VWA3B: variants seen among roughly 807,000 people sequenced by gnomAD.
VWA3B encodes the protein von Willebrand factor A domain-containing protein 3B.
VWA3B carries 138 observed loss-of-function variants against 158.3 expected under a neutral mutation model. The ratio of observed to expected loss-of-function variants is 0.87; its 90% CI spans 0.76 to 1.00. VWA3B has a LOEUF of 1.00. Among genes scored for constraint, VWA3B ranks in the 50% least tolerant of loss-of-function variants. VWA3B has a pLI of 0.00. For synonymous variants in VWA3B, 596 were observed against 587.3 expected, an observed-to-expected ratio of 1.01 and a Z score of -0.21; for missense variants, 1,555 against 1,565.1, an observed-to-expected ratio of 0.99 and a Z score of 0.11.
intron 12 of VWA3B, chr2:98,206,538 C>A: frequency 2.0e-6 from 1 of 498,730 alleles, no homozygotes. Flanking sequence ...TCTGGTGCAC[C>A]AATCGAAAGT....
chr2:98,295,369 T>A (rs1239470702), intron 23 of VWA3B, among the ~76,000 whole-genome samples: 1 of 152,236 alleles, frequency 6.6e-6, no homozygotes, highest in Non-Finnish European at 1.5e-5. Flanking sequence ...CACTCATGCA[T>A]CTTTCACCAA....
intron 6 of VWA3B, 139 bp from the exon 7 acceptor site, chr2:98,133,685 C>G: frequency 2.9e-6 from 2 of 688,592 alleles, no homozygotes; most frequent in South Asian, 1.8e-5. Context: ...TGACAAGGTG[C>G]AGGAAGAAGC....
rs751153502 is a variant in VWA3B, at chr2:98,312,973, A to G, written c.*624A>G. The G allele has an allele frequency of 6.6e-6, 1 of 152,162 alleles. No individual in the cohort carries two copies. The highest frequency in any genetic ancestry group is 1.9e-4 in the East Asian group (1 of 5,194). 9.4% of individuals were successfully genotyped at this position (152,162 alleles called of 1,614,324 possible). ...TTGGATTGTTGGATTATTTGTTACC[A>G]TTTTTCTCTGAACACATTTTAGCAA... On this transcript the variant is annotated 3_prime_UTR_variant, in exon 28 of 28. Coordinates refer to ENST00000477737, the MANE Select transcript of VWA3B (RefSeq NM_144992.5).
In VWA3B at chr2:98,278,751, G is replaced by A. The variant is rs186787185; in HGVS notation, c.3045+7868G>A. ...CCTGGAGTTTTTATGGGTACAGGAT[G>A]GGGGGGTGGTGTGGGCCAGAGTGGT... On this transcript the variant is annotated intron_variant, in intron 22 of 27. Transcript: ENST00000477737. Among the ~76,000 whole-genome samples the A allele has an allele frequency of 2.0e-5, 3 of 151,702 alleles. No individual in the cohort carries two copies. In the East Asian group the frequency reaches 5.8e-4, roughly 29 times the overall value.
At chr2:98,158,961 C>A (rs993942037) in intron 7 of VWA3B, among the ~76,000 whole-genome samples, 1 of 152,144 alleles carries the variant, frequency 6.6e-6, no homozygotes, top group Non-Finnish European at 1.5e-5. Flanking sequence ...AGATGCTCAA[C>A]ACATACTTGC....
chr2:98,232,972 G>A (rs894353517), intron 16 of VWA3B, among the ~76,000 whole-genome samples: 4 of 152,262 alleles, frequency 2.6e-5, no homozygotes, highest in South Asian at 2.1e-4. Context: ...ACCAAGAGGC[G>A]TCCCGGAAAG....
intron 21 of VWA3B, among the ~76,000 whole-genome samples, chr2:98,266,946 G>A (rs1336939580): frequency 6.7e-6 from 1 of 148,848 alleles, no homozygotes; most frequent in Non-Finnish European, 1.5e-5. Flanking sequence ...GAGATTTTGG[G>A]CTGAGACAAT....
At chr2:98,281,707 A>G (rs1377227471) in intron 22 of VWA3B, among the ~76,000 whole-genome samples, 2 of 152,178 alleles carry the variant, frequency 1.3e-5, no homozygotes, top group African/African-American at 4.8e-5. Flanking sequence ...AAAGAGGGTC[A>G]CACCATTTGG....
At chr2:98,163,648 A>G (rs938406271) in intron 8 of VWA3B, among the ~76,000 whole-genome samples, 7 of 152,260 alleles carry the variant, frequency 4.6e-5, no homozygotes, top group Admixed American at 3.9e-4. Context: ...TCTGAGTACA[A>G]CATGGACAAG....
At chr2:98,211,491 T>C (rs903086843) in intron 12 of VWA3B, among the ~76,000 whole-genome samples, 1 of 152,216 alleles carries the variant, frequency 6.6e-6, no homozygotes, top group Non-Finnish European at 1.5e-5. Flanking sequence ...CACATGTACA[T>C]TGTTAGATTG....
intron 8 of VWA3B, 134 bp from the exon 9 acceptor site, chr2:98,180,882 A>C (rs1680513609): frequency 1.1e-6 from 1 of 910,066 alleles, no homozygotes; most frequent in Admixed American, 2.9e-5. Context: ...CCTGCTTTGG[A>C]AAGCTGTTTT....
chr2:98,130,186 G>A (rs1004758746), intron 6 of VWA3B, among the ~76,000 whole-genome samples: 2 of 152,196 alleles, frequency 1.3e-5, no homozygotes, highest in African/African-American at 2.4e-5. Context: ...CTTTTGATGT[G>A]CATATACATA....
chr2:98,129,377 A>C (rs1190445921), intron 6 of VWA3B, among the ~76,000 whole-genome samples: 1 of 151,830 alleles, frequency 6.6e-6, no homozygotes, highest in Non-Finnish European at 1.5e-5. Flanking sequence ...AGAGACAGAG[A>C]GTGAGGGCGC....
intron 12 of VWA3B, chr2:98,206,586 T>C (rs1031943926): frequency 8.5e-6 from 4 of 470,458 alleles, no homozygotes; most frequent in South Asian, 1.9e-5. Context: ...ATCATGAACA[T>C]CATTGGAGAG....
At chr2:98,182,398 C>T (rs1574010582) in intron 9 of VWA3B, among the ~76,000 whole-genome samples, 1 of 152,178 alleles carries the variant, frequency 6.6e-6, no homozygotes, top group Admixed American at 6.5e-5. Context: ...TGTTCTTGCC[C>T]CCTCACTGCT....
intron 6 of VWA3B, among the ~76,000 whole-genome samples, chr2:98,129,934 T>A (rs1573851002): frequency 6.6e-6 from 1 of 151,936 alleles, no homozygotes; most frequent in South Asian, 2.1e-4. Flanking sequence ...TCTCGTTAGG[T>A]GGAACGAGAG....
chr2:98,300,093 G>A lies in VWA3B; in HGVS notation c.3297G>A (p.Val1099=). Residue 1099 remains valine (V), a synonymous_variant, in exon 25 of 28, where the codon GTG becomes GTA. Coordinates refer to ENST00000477737, the MANE Select transcript of VWA3B (RefSeq NM_144992.5). ...CTCCTCTGCAGGTTGGAGATTATGT[G>A]TTTGCCAAAATTGTGATACCCAAAG... ...PCPLLQVGDY[V]FAKIVIPKGF... 1 of 1,614,192 alleles carries A rather than the reference G, an allele frequency of 6.2e-7. No individual in the cohort carries two copies. The highest frequency in any genetic ancestry group is 8.5e-7 in the Non-Finnish European group (1 of 1,180,026).
chr2:98,108,224 C>T (rs1038704647), intron 2 of VWA3B, among the ~76,000 whole-genome samples: 5 of 152,048 alleles, frequency 3.3e-5, no homozygotes, highest in South Asian at 4.1e-4. Context: ...GGACAGAGCA[C>T]GTACTTGTTT....
At chr2:98,270,333 A>G (rs111835086) in intron 21 of VWA3B, among the ~76,000 whole-genome samples, 1 of 152,340 alleles carries the variant, frequency 6.6e-6, no homozygotes, top group African/African-American at 2.4e-5. Flanking sequence ...TTTGAAGCCC[A>G]TGTTTGGTTC....
Sources: allele counts gnomAD v4.1 joint callset (sites outside exome capture counted in the v4.1 genomes callset), GRCh38; gene constraint gnomAD v4.1.1; transcripts MANE v1.5; gene names NCBI Gene and HGNC (gene_info 2026-07-23, HGNC 2026-07-21).